Variants in GALNT14 observed in about 807,000 individuals in gnomAD.
GALNT14 encodes polypeptide N-acetylgalactosaminyltransferase 14.
In GALNT14, 60 loss-of-function variants were observed where a neutral mutation model predicts 77.5. That is an observed-to-expected ratio of 0.77 (90% CI 0.63 to 0.96). GALNT14 has a LOEUF of 0.96. Ranked by LOEUF, GALNT14 falls within the 40% of genes least tolerant of loss-of-function variation. The probability of loss-of-function intolerance (pLI) is 0.00; values close to 1 mark genes in which losing one functional copy is unlikely to be tolerated. For missense variants in GALNT14, 710 were observed against 731.0 expected, an observed-to-expected ratio of 0.97 and a Z score of 0.33; for synonymous variants, 280 against 281.7, an observed-to-expected ratio of 0.99 and a Z score of 0.06.
chr2:30,971,450 G>A (rs549640846), intron 2 of GALNT14, among the ~76,000 whole-genome samples: 6 of 152,204 alleles, frequency 3.9e-5, no homozygotes, highest in South Asian at 2.1e-4. Context: ...ACAGAATCCC[G>A]GGATCTCTAT....
chr2:30,984,575 C>T (rs1669182090), intron 2 of GALNT14, among the ~76,000 whole-genome samples: 1 of 152,148 alleles, frequency 6.6e-6, no homozygotes, highest in South Asian at 2.1e-4. Flanking sequence ...TATTCTCCTC[C>T]ATTCCTCCCC....
At chr2:31,074,426 A>G (rs12994752) in intron 1 of GALNT14, among the ~76,000 whole-genome samples, 79,766 of 151,280 alleles carry the variant, frequency 0.53, 21,719 homozygotes, top group African/African-American at 0.67. Flanking sequence ...TTTGCTTAAA[A>G]CCACCACTGT....
At chr2:31,038,513 C>A (rs1253738862) in intron 1 of GALNT14, among the ~76,000 whole-genome samples, 1 of 151,928 alleles carries the variant, frequency 6.6e-6, no homozygotes, top group Admixed American at 6.6e-5. Flanking sequence ...AGTTGCCAGA[C>A]AGGCCATATA....
the GALNT14 span, among the ~76,000 whole-genome samples, chr2:30,894,453 T>A: frequency 2.8e-3 from 431 of 152,324 alleles, 2 homozygotes; most frequent in African/African-American, 9.9e-3. Flanking sequence ...AGACCTTTTT[T>A]TCATTCTGCC....
At chr2:31,027,602 C>T (rs1672146455) in intron 1 of GALNT14, among the ~76,000 whole-genome samples, 2 of 152,120 alleles carry the variant, frequency 1.3e-5, no homozygotes, top group African/African-American at 2.4e-5. Context: ...TAGGAAGAAA[C>T]CTGGTACGTG....
At chr2:31,010,991 G>A (rs1368998702) in intron 1 of GALNT14, among the ~76,000 whole-genome samples, 1 of 152,240 alleles carries the variant, frequency 6.6e-6, no homozygotes, top group East Asian at 1.9e-4. Context: ...TGCCATCAGG[G>A]AGAGGTTCAG....
chr2:31,126,331 G>T (rs1235308570), intron 1 of GALNT14, among the ~76,000 whole-genome samples: 1 of 152,268 alleles, frequency 6.6e-6, no homozygotes, highest in East Asian at 1.9e-4. Context: ...AGGGAAGGAA[G>T]CTTGGGGTGA....
At chr2:30,989,581 T>TATATATATATATATAAAA (rs1384068782) in intron 2 of GALNT14, among the ~76,000 whole-genome samples, 78 of 108,168 alleles carry the variant, frequency 7.2e-4, no homozygotes, top group African/African-American at 3.6e-3. Flanking sequence ...TATATATATA[T>TATATATATATATATAAAA]AAAAATATAT....
At chr2:31,120,396 G>T (rs917104634) in intron 1 of GALNT14, among the ~76,000 whole-genome samples, 6 of 152,176 alleles carry the variant, frequency 3.9e-5, no homozygotes, top group Non-Finnish European at 7.3e-5. Context: ...TATCTCAAAG[G>T]GGGTGAAGCA....
intron 1 of GALNT14, chr2:31,125,084 G>A: frequency 9.0e-7 from 1 of 1,112,148 alleles, no homozygotes; most frequent in Non-Finnish European, 1.3e-6. Flanking sequence ...CCTACCCACA[G>A]TACCCAGGGC....
intron 1 of GALNT14, among the ~76,000 whole-genome samples, chr2:31,002,082 A>G (rs1407837766): frequency 6.6e-6 from 1 of 152,188 alleles, no homozygotes; most frequent in South Asian, 2.1e-4. Context: ...ACCACTTCAC[A>G]GATGAAAAAA....
At chr2:31,023,663 G>A (rs536316593) in intron 1 of GALNT14, among the ~76,000 whole-genome samples, 7 of 152,098 alleles carry the variant, frequency 4.6e-5, no homozygotes, top group Admixed American at 2.6e-4. Context: ...AAATCCAATC[G>A]GCATTCCTGA....
intron 13 of GALNT14, among the ~76,000 whole-genome samples, chr2:30,916,183 G>C (rs1385416460): frequency 6.6e-6 from 1 of 152,206 alleles, no homozygotes; most frequent in Non-Finnish European, 1.5e-5. Flanking sequence ...ATTAGAAGAA[G>C]TTAATCACTT....
At chr2:30,989,191 T>C (rs115582058) in intron 2 of GALNT14, among the ~76,000 whole-genome samples, 2,573 of 152,260 alleles carry the variant, frequency 0.017, 32 homozygotes, top group Middle Eastern at 0.058. Flanking sequence ...GTGATTCTTG[T>C]AAGAAGCCTG....
downstream of GALNT14, among the ~76,000 whole-genome samples, chr2:30,905,541 C>T (rs1664118935): frequency 6.6e-6 from 1 of 151,976 alleles, no homozygotes; most frequent in Non-Finnish European, 1.5e-5. Flanking sequence ...AGCAAAGCCT[C>T]CAAGAAATAT....
At chr2:30,952,511 C>CA (rs1444340347) in intron 6 of GALNT14, among the ~76,000 whole-genome samples, 4 of 147,402 alleles carry the variant, frequency 2.7e-5, no homozygotes, top group Admixed American at 1.4e-4. Context: ...ATTGCAAGAA[C>CA]AAAAAACCAA....
At chr2:31,094,636 C>T (rs1573339715) in intron 1 of GALNT14, among the ~76,000 whole-genome samples, 1 of 152,216 alleles carries the variant, frequency 6.6e-6, no homozygotes, top group South Asian at 2.1e-4. Flanking sequence ...CCAAGTGTTG[C>T]TCAGCTTCTT....
intron 2 of GALNT14, among the ~76,000 whole-genome samples, chr2:30,990,112 T>C (rs1438641317): frequency 2.6e-5 from 4 of 152,192 alleles, no homozygotes; most frequent in Non-Finnish European, 5.9e-5. Flanking sequence ...GAGACATAGC[T>C]GGTTGTCACA....
intron 9 of GALNT14, among the ~76,000 whole-genome samples, chr2:30,936,890 T>C (rs1002305482): frequency 2.0e-5 from 3 of 152,170 alleles, no homozygotes; most frequent in Admixed American, 6.5e-5. Flanking sequence ...TATCTTTCCA[T>C]ATTCTCTATG....
Sources: gnomAD v4.1 joint callset for allele counts (sites outside exome capture counted in the v4.1 genomes callset) on GRCh38, gnomAD v4.1.1 for gene constraint, MANE v1.5 for transcripts, NCBI Gene and HGNC (gene_info 2026-07-23, HGNC 2026-07-21) for gene names.